Variants in C8orf34 observed in about 807,000 individuals in gnomAD.
C8orf34 encodes uncharacterized protein C8orf34.
In C8orf34, 65 loss-of-function variants were observed where a neutral mutation model predicts 68.3. The observed-to-expected ratio is 0.95, with a 90% CI of 0.78 to 1.17. The LOEUF is 1.17. C8orf34 is among the 50% of genes most tolerant of loss of function. The pLI is 0.00. For missense variants in C8orf34, 664 were observed against 655.4 expected (o/e 1.01, Z -0.14); for synonymous variants, 244 against 241.2 (o/e 1.01, Z -0.11).
chr8:68,498,824 A>G (rs995076040), intron 5 of C8orf34, among the ~76,000 whole-genome samples: 3 of 152,178 alleles, frequency 2.0e-5, no homozygotes. Context: ...GAGCCCAGAG[A>G]TTGTTTTCTA....
intron 8 of C8orf34, among the ~76,000 whole-genome samples, chr8:68,689,648 T>C (rs977718251): frequency 1.3e-5 from 2 of 152,032 alleles, no homozygotes; most frequent in Admixed American, 1.3e-4. Context: ...GGGCCTCATC[T>C]AGTTGTGGTC....
intron 7 of C8orf34, 137 bp downstream of exon 7, chr8:68,533,286 A>G (rs1211600775): frequency 5.0e-6 from 7 of 1,395,872 alleles, no homozygotes; most frequent in African/African-American, 4.4e-5. Context: ...TTTTATTTAC[A>G]TTAGACTCAC....
At chr8:68,762,687 A>G (rs1351500520) in intron 10 of C8orf34, among the ~76,000 whole-genome samples, 1 of 152,222 alleles carries the variant, frequency 6.6e-6, no homozygotes, top group Non-Finnish European at 1.5e-5. Flanking sequence ...GGTTCTAAAG[A>G]TGGGCATACC....
rs544697806 is a variant in C8orf34, at chr8:68,627,375, G to C, written c.1106-13001G>C. Among the ~76,000 whole-genome samples the C allele has an allele frequency of 1.2e-4, 19 of 152,208 alleles. No individual in the cohort carries two copies. The East Asian group carries it at 3.7e-3, about 29-fold the overall frequency. ...TAGATTTTTGTGTTGCTTACAATGT[G>C]TTGCACTTCAATTAAAGCTATTACT... On this transcript the variant is annotated intron_variant, in intron 7 of 13. Coordinates refer to ENST00000518698, the MANE Select transcript of C8orf34 (RefSeq NM_052958.4).
At chr8:68,771,175 CAA>C (rs372313430) in intron 10 of C8orf34, among the ~76,000 whole-genome samples, 45 of 152,252 alleles carry the variant, frequency 3.0e-4, no homozygotes, top group African/African-American at 1.0e-3. Flanking sequence ...TCAATAATTT[CAA>C]AGACTTGAGC....
intron 7 of C8orf34, among the ~76,000 whole-genome samples, chr8:68,615,376 A>G (rs1818172786): frequency 6.6e-6 from 1 of 151,320 alleles, no homozygotes. Context: ...CCAGTTTTCA[A>G]AGGGAATGCT....
At chr8:68,589,994 A>T (rs1171866185) in intron 7 of C8orf34, among the ~76,000 whole-genome samples, 1 of 150,286 alleles carries the variant, frequency 6.7e-6, no homozygotes, top group Admixed American at 6.6e-5. Context: ...CATCCATGGT[A>T]TAAAAAATAA....
At chr8:68,452,491 T>C (rs912077047) in intron 3 of C8orf34, among the ~76,000 whole-genome samples, 4 of 151,590 alleles carry the variant, frequency 2.6e-5, no homozygotes, top group African/African-American at 9.7e-5. Flanking sequence ...CTCATTGTTG[T>C]CTTGATTTGC....
intron 7 of C8orf34, among the ~76,000 whole-genome samples, chr8:68,598,965 A>G (rs1817623101): frequency 6.6e-6 from 1 of 152,058 alleles, no homozygotes; most frequent in Non-Finnish European, 1.5e-5. Flanking sequence ...AGTTTATGAA[A>G]CCAGAGGTAA....
intron 6 of C8orf34, among the ~76,000 whole-genome samples, chr8:68,531,521 T>C (rs774304973): frequency 6.6e-6 from 1 of 152,180 alleles, no homozygotes; most frequent in African/African-American, 2.4e-5. Context: ...AAATTCTACA[T>C]AGTTGATGGG....
intron 10 of C8orf34, among the ~76,000 whole-genome samples, chr8:68,742,757 C>T (rs1322372793): frequency 4.0e-5 from 3 of 74,226 alleles, no homozygotes; most frequent in Non-Finnish European, 8.8e-5. Flanking sequence ...TTCTTTCTCA[C>T]TAATGAGTTA....
At chr8:68,794,505 A>ATATATTT (rs1313909362) in intron 12 of C8orf34, among the ~76,000 whole-genome samples, 2 of 62,238 alleles carry the variant, frequency 3.2e-5, no homozygotes, top group African/African-American at 2.4e-4. Context: ...ATATATATAT[A>ATATATTT]TTTTTTTTTT....
intron 10 of C8orf34, among the ~76,000 whole-genome samples, chr8:68,770,044 C>A (rs1199702368): frequency 6.6e-6 from 1 of 152,066 alleles, no homozygotes; most frequent in Non-Finnish European, 1.5e-5. Flanking sequence ...GGCAAGTTTG[C>A]AGAGCTATAC....
At chr8:68,500,661 A>AAC (rs144712674) in intron 5 of C8orf34, among the ~76,000 whole-genome samples, 43 of 151,882 alleles carry the variant, frequency 2.8e-4, no homozygotes, top group South Asian at 1.2e-3. Flanking sequence ...CCCAGCCCTC[A>AAC]ACACACACAC....
At position 68,453,373 on chromosome 8, in the gene C8orf34, T is replaced by C. The variant is rs573107815; in HGVS notation, c.607+6913T>C. On this transcript the variant is annotated intron_variant, in intron 3 of 13. Transcript: ENST00000518698. Reference sequence around the variant, plus strand: ...TGAATCTGTGGATCACTTTGGAGAGTACTGGGAACATAACAAGGTTTCCAA... The same window carrying C: ...TGAATCTGTGGATCACTTTGGAGAGCACTGGGAACATAACAAGGTTTCCAA... Among the ~76,000 whole-genome samples, 12 of 151,958 alleles carry C rather than the reference T, an allele frequency of 7.9e-5. 1 individual carries two copies. The highest frequency in any genetic ancestry group is 1.6e-4 in the Non-Finnish European group (11 of 67,874).
intron 7 of C8orf34, among the ~76,000 whole-genome samples, chr8:68,555,975 G>A (rs1816237982): frequency 6.6e-6 from 1 of 152,110 alleles, no homozygotes; most frequent in East Asian, 1.9e-4. Flanking sequence ...ACCTGAGAGT[G>A]TCTAGCACTT....
intron 7 of C8orf34, among the ~76,000 whole-genome samples, chr8:68,625,293 T>C (rs891409235): frequency 6.6e-6 from 1 of 152,216 alleles, no homozygotes; most frequent in East Asian, 1.9e-4. Context: ...ATGTAGCTAA[T>C]TGATACCTTT....
chr8:68,780,345 T>A (rs1823640540), intron 11 of C8orf34, among the ~76,000 whole-genome samples: 1 of 152,176 alleles, frequency 6.6e-6, no homozygotes, highest in Non-Finnish European at 1.5e-5. Context: ...AAATTCATAC[T>A]ACAATTTCCT....
At chr8:68,376,558 C>T (rs1004245616) in intron 1 of C8orf34, among the ~76,000 whole-genome samples, 2 of 151,938 alleles carry the variant, frequency 1.3e-5, no homozygotes, top group Non-Finnish European at 2.9e-5. Flanking sequence ...TATACTCCTT[C>T]CTCTTGGGCC....
Sources: gnomAD v4.1 joint callset for allele counts (sites outside exome capture counted in the v4.1 genomes callset) on GRCh38, gnomAD v4.1.1 for gene constraint, MANE v1.5 for transcripts, NCBI Gene and HGNC (gene_info 2026-07-23, HGNC 2026-07-21) for gene names.